PRSS3: variants seen among roughly 807,000 people sequenced by gnomAD.
The protein encoded by PRSS3 is serine protease 3.
Under a neutral mutation model 20.8 loss-of-function variants are expected in PRSS3, and 14 were observed. The ratio of observed to expected loss-of-function variants is 0.67; its 90% confidence interval spans 0.44 to 1.05. PRSS3 has a LOEUF of 1.05. Among genes scored for constraint, PRSS3 ranks in the 50% least tolerant of loss-of-function variants. The probability of loss-of-function intolerance (pLI) is 0.00; values close to 1 mark genes in which losing one functional copy is unlikely to be tolerated. For synonymous variants in PRSS3, 91 were observed against 117.6 expected, an observed-to-expected ratio of 0.77 and a Z score of 1.46; for missense variants, 237 against 306.4, an observed-to-expected ratio of 0.77 and a Z score of 1.69.
upstream of PRSS3, among the ~76,000 whole-genome samples, chr9:33,791,222 T>C (rs1467318664): frequency 6.6e-6 from 1 of 152,186 alleles, no homozygotes; most frequent in East Asian, 1.9e-4. Flanking sequence ...GAACAGATGA[T>C]ATGGGTTCTA....
chr9:33,761,446 C>T (rs1290383692), intron 1 of PRSS3, among the ~76,000 whole-genome samples: 1 of 152,116 alleles, frequency 6.6e-6, no homozygotes, highest in Non-Finnish European at 1.5e-5. Flanking sequence ...GTGGCTTACA[C>T]CTGTAATCCC....
At chr9:33,765,252 GTATA>G (rs1823365233) in intron 1 of PRSS3, among the ~76,000 whole-genome samples, 1 of 152,142 alleles carries the variant, frequency 6.6e-6, no homozygotes, top group African/African-American at 2.4e-5. Context: ...TTTCCTAGAT[GTATA>G]TACCTATGAT....
chr9:33,764,210 T>C (rs1823323877), intron 1 of PRSS3, among the ~76,000 whole-genome samples: 1 of 152,200 alleles, frequency 6.6e-6, no homozygotes, highest in Non-Finnish European at 1.5e-5. Context: ...AAAGTTGGAT[T>C]CCTACCTCAC....
chr9:33,777,424 GCCTGTAAT>G (rs1192701151), intron 1 of PRSS3, among the ~76,000 whole-genome samples: 2 of 150,434 alleles, frequency 1.3e-5, no homozygotes, highest in African/African-American at 2.4e-5. Context: ...CGCGGCTCAA[GCCTGTAAT>G]CCCAGCACTT....
intron 1 of PRSS3, chr9:33,786,843 C>T: frequency 1.4e-6 from 1 of 714,932 alleles, no homozygotes; most frequent in Non-Finnish European, 2.6e-6. Flanking sequence ...GTGCAGGGCA[C>T]AGATCAAAGA....
At chr9:33,783,227 G>A (rs752551349) in intron 1 of PRSS3, among the ~76,000 whole-genome samples, 1 of 152,170 alleles carries the variant, frequency 6.6e-6, no homozygotes, top group Non-Finnish European at 1.5e-5. Flanking sequence ...AAAACTAAAG[G>A]TATGAGAAAA....
In PRSS3 at chr9:33,750,735, G is replaced by A; in HGVS notation, c.-53+8G>A. 7.0e-7 allele frequency: 1 copy of A among 1,431,206 alleles called. No individual in the cohort carries two copies. Among genetic ancestry groups the A allele is most frequent in the East Asian group, 2.7e-5 (1 of 36,790 alleles). 88.7% of individuals were successfully genotyped at this position (1,431,206 alleles called of 1,614,324 possible). On this transcript the variant is annotated splice_region_variant and intron_variant, in intron 1 of 5. Transcript: ENST00000342836. The surrounding 1 kb of genome is among the most constrained non-coding windows in gnomAD (Gnocchi z 4.8). ...GCGAGGCGCTGGGCACAGGTCAGACGTCAGTACCCGCAGGGGGCTTGAAAC... is the reference window on the plus strand; with the variant it reads ...GCGAGGCGCTGGGCACAGGTCAGACATCAGTACCCGCAGGGGGCTTGAAAC...
chr9:33,755,091 C>A (rs577514078), intron 1 of PRSS3, among the ~76,000 whole-genome samples: 1 of 152,110 alleles, frequency 6.6e-6, no homozygotes, highest in Non-Finnish European at 1.5e-5. Context: ...TAGGTCTGGG[C>A]TGGGTCTATA....
At chr9:33,788,311 C>T (rs758023715) in intron 1 of PRSS3, among the ~76,000 whole-genome samples, 5 of 152,184 alleles carry the variant, frequency 3.3e-5, no homozygotes, top group Non-Finnish European at 7.3e-5. Flanking sequence ...CAACGACCCC[C>T]TCTTCTTCTT....
chr9:33,781,945 C>T (rs1295867753), intron 1 of PRSS3, among the ~76,000 whole-genome samples: 1 of 152,176 alleles, frequency 6.6e-6, no homozygotes, highest in African/African-American at 2.4e-5. Context: ...CAATGCATTG[C>T]AGTCTTTGAA....
At chr9:33,753,803 A>G (rs1182191143) in intron 1 of PRSS3, among the ~76,000 whole-genome samples, 1 of 152,212 alleles carries the variant, frequency 6.6e-6, no homozygotes. Context: ...AGAAAACCCT[A>G]CTACAACGGC....
intron 1 of PRSS3, among the ~76,000 whole-genome samples, chr9:33,760,725 G>C (rs1222714501): frequency 1.5e-5 from 2 of 131,156 alleles, no homozygotes; most frequent in South Asian, 2.5e-4. Context: ...CAGTCTGGGG[G>C]ACACAGCAAG....
chr9:33,770,347 T>C (rs1054711871), intron 1 of PRSS3, among the ~76,000 whole-genome samples: 2 of 152,188 alleles, frequency 1.3e-5, no homozygotes, highest in African/African-American at 4.8e-5. Context: ...GGATGAACCA[T>C]ACCTCAAATC....
chr9:33,791,902 T>C (rs559008648), upstream of PRSS3, among the ~76,000 whole-genome samples: 1 of 151,910 alleles, frequency 6.6e-6, no homozygotes, highest in East Asian at 1.9e-4. Flanking sequence ...GGCTTCAAGG[T>C]GGGGAGCAGC....
intron 1 of PRSS3, among the ~76,000 whole-genome samples, chr9:33,751,184 G>T (rs1367077948): frequency 6.6e-6 from 1 of 152,226 alleles, no homozygotes; most frequent in Non-Finnish European, 1.5e-5. Context: ...TGGCCCCTGA[G>T]CTGTGTCCAG....
rs567730186 is a variant in PRSS3 at position 33,766,077 on chromosome 9, C to T, written c.-53+15350C>T. Among the ~76,000 whole-genome samples, 11 of 151,622 alleles carry T rather than the reference C, an allele frequency of 7.3e-5. No homozygotes were observed. The South Asian group carries it at 2.1e-3, about 29-fold the overall frequency. ...GTCACCAGTTCGAGATCAGCCTGGC[C>T]AATATGGTGAAACCCCATCTCTACT... On this transcript the variant is annotated intron_variant, in intron 1 of 5. Transcript: ENST00000342836.
chr9:33,771,783 T>TCTTTC (rs1455113839), intron 1 of PRSS3, among the ~76,000 whole-genome samples: 1 of 150,832 alleles, frequency 6.6e-6, no homozygotes, highest in Non-Finnish European at 1.5e-5. Flanking sequence ...TAATTTTTTT[T>TCTTTC]CTTTTCTTTT....
intron 1 of PRSS3, among the ~76,000 whole-genome samples, chr9:33,756,900 A>C (rs948015598): frequency 1.3e-5 from 2 of 152,156 alleles, no homozygotes; most frequent in African/African-American, 4.8e-5. Flanking sequence ...AGTTTTATAC[A>C]TGTTTAGGGA....
chr9:33,776,460 C>T (rs1423285631), intron 1 of PRSS3, among the ~76,000 whole-genome samples: 1 of 152,136 alleles, frequency 6.6e-6, no homozygotes, highest in Non-Finnish European at 1.5e-5. Context: ...AAGCCAGAAG[C>T]ATCACACTTC....
Sources: gnomAD v4.1 joint callset for allele counts (sites outside exome capture counted in the v4.1 genomes callset) on GRCh38, gnomAD v4.1.1 for gene constraint, Gnocchi (gnomAD v3.1) non-coding constraint, MANE v1.5 for transcripts, NCBI Gene and HGNC (gene_info 2026-07-23, HGNC 2026-07-21) for gene names.